Variants in RPS6KC1 observed in about 807,000 individuals in gnomAD.
The protein encoded by RPS6KC1 is ribosomal protein S6 kinase C1, also known as inactive ribosomal protein S6 kinase delta-1.
RPS6KC1 carries 54 observed loss-of-function variants against 103.8 expected under a neutral mutation model. The ratio of observed to expected loss-of-function variants is 0.52; its 90% CI spans 0.42 to 0.65. RPS6KC1 has a LOEUF of 0.65. Ranked by LOEUF, RPS6KC1 falls within the 30% of genes least tolerant of loss-of-function variation. The probability of loss-of-function intolerance (pLI) is 0.00; values close to 1 mark genes in which losing one functional copy is unlikely to be tolerated. For synonymous variants in RPS6KC1, 439 were observed against 438.7 expected, an observed-to-expected ratio of 1.00 and a Z score of -0.01; for missense variants, 1,151 against 1,253.8, an observed-to-expected ratio of 0.92 and a Z score of 1.24.
intron 12 of RPS6KC1, among the ~76,000 whole-genome samples, chr1:213,246,716 A>G (rs2094459991): frequency 6.6e-6 from 1 of 152,074 alleles, no homozygotes; most frequent in African/African-American, 2.4e-5. Flanking sequence ...TTATCATTCA[A>G]AAACAGCTAG....
At chr1:213,861,441 G>A in the RPS6KC1 span, among the ~76,000 whole-genome samples, 6 of 152,268 alleles carry the variant, frequency 3.9e-5, no homozygotes, top group East Asian at 3.9e-4. Flanking sequence ...CAGCGTGGAC[G>A]TGGATGGAGA....
chr1:213,408,921 A>G, the RPS6KC1 span, among the ~76,000 whole-genome samples: 1,623 of 152,290 alleles, frequency 0.011, 28 homozygotes, highest in African/African-American at 0.037. Context: ...GTAGAGAACT[A>G]TCGCATCTCT....
the RPS6KC1 span, among the ~76,000 whole-genome samples, chr1:213,581,322 G>A: frequency 9.2e-5 from 14 of 152,138 alleles, no homozygotes; most frequent in South Asian, 2.5e-3. Context: ...ACATTTTAAT[G>A]TTGTATTCTT....
chr1:213,798,369 C>T, the RPS6KC1 span, among the ~76,000 whole-genome samples: 1 of 152,172 alleles, frequency 6.6e-6, no homozygotes. Flanking sequence ...CCAAGCAGGC[C>T]AAGTGGCTTC....
intron 8 of RPS6KC1, among the ~76,000 whole-genome samples, chr1:213,178,078 G>A (rs1387372781): frequency 6.6e-6 from 1 of 151,382 alleles, no homozygotes; most frequent in Non-Finnish European, 1.5e-5. Context: ...CCAGCTGCTC[G>A]GGAGGCTGAG....
At chr1:213,130,990 C>T (rs1357733508) in intron 6 of RPS6KC1, among the ~76,000 whole-genome samples, 2 of 151,016 alleles carry the variant, frequency 1.3e-5, no homozygotes, top group Non-Finnish European at 3.0e-5. Context: ...TTCTCAGTTT[C>T]TTTATTCTTG....
the RPS6KC1 span, among the ~76,000 whole-genome samples, chr1:213,334,311 C>T: frequency 6.6e-6 from 1 of 152,234 alleles, no homozygotes; most frequent in Non-Finnish European, 1.5e-5. Context: ...TTGGGAACAC[C>T]TTTATTACAT....
intron 8 of RPS6KC1, chr1:213,205,453 A>G (rs2093311307): frequency 1.2e-6 from 1 of 857,388 alleles, no homozygotes; most frequent in Non-Finnish European, 1.4e-6. Context: ...TCTTAATCAA[A>G]GCTTTAAGAA....
chr1:213,076,662 A>G (rs2079367997), intron 2 of RPS6KC1, among the ~76,000 whole-genome samples: 1 of 152,006 alleles, frequency 6.6e-6, no homozygotes. Context: ...ATAATAATTC[A>G]GACTAATGAA....
rs12033908 is a variant in RPS6KC1, at chr1:213,066,240, C to A, written c.106-4766C>A. 4.6e-5 allele frequency among the ~76,000 whole-genome samples: 7 copies of A among 152,232 alleles called. No homozygotes were observed. The East Asian group carries it at 1.4e-3, about 29-fold the overall frequency. ...GGAGTGTTCACAGAATACCAGGGGG[C>A]AGAAGGATGAAGAATAACCTACAAA... is the stretch of plus-strand genomic sequence containing the variant. On this transcript the variant is annotated intron_variant, in intron 1 of 14. Coordinates refer to ENST00000366960, the MANE Select transcript of RPS6KC1 (RefSeq NM_012424.6).
At chr1:213,488,981 TTC>T in the RPS6KC1 span, among the ~76,000 whole-genome samples, 3 of 152,236 alleles carry the variant, frequency 2.0e-5, no homozygotes, top group African/African-American at 2.4e-5. Context: ...TGGGTTTATG[TTC>T]TCTTTTCCCC....
chr1:213,249,347 C>T (rs1234852709), intron 12 of RPS6KC1, among the ~76,000 whole-genome samples: 2 of 152,150 alleles, frequency 1.3e-5, no homozygotes, highest in Non-Finnish European at 1.5e-5. Flanking sequence ...TTTTAATCTC[C>T]ATTAGGTTAC....
the RPS6KC1 span, among the ~76,000 whole-genome samples, chr1:213,829,439 G>A: frequency 1.3e-5 from 2 of 152,134 alleles, no homozygotes; most frequent in African/African-American, 4.8e-5. Context: ...AGAAATCAGT[G>A]ATGAGAAATA....
chr1:213,458,762 T>G, the RPS6KC1 span, among the ~76,000 whole-genome samples: 2,337 of 152,274 alleles, frequency 0.015, 60 homozygotes, highest in African/African-American at 0.052. Flanking sequence ...TAAATAGCTC[T>G]TATTATTTTG....
At chr1:213,830,690 A>T in the RPS6KC1 span, among the ~76,000 whole-genome samples, 1 of 151,962 alleles carries the variant, frequency 6.6e-6, no homozygotes, top group Non-Finnish European at 1.5e-5. Context: ...AAAAAAAAAA[A>T]ACTCTCAAAA....
chr1:213,738,488 A>G, the RPS6KC1 span, among the ~76,000 whole-genome samples: 1 of 152,130 alleles, frequency 6.6e-6, no homozygotes, highest in African/African-American at 2.4e-5. Context: ...AAAGGAGGTA[A>G]TGAGCCGCTT....
chr1:213,505,890 T>A, the RPS6KC1 span, among the ~76,000 whole-genome samples: 1 of 152,220 alleles, frequency 6.6e-6, no homozygotes, highest in African/African-American at 2.4e-5. Flanking sequence ...GTCTCTGGCT[T>A]CACTATCAAG....
chr1:213,676,389 C>A, the RPS6KC1 span, among the ~76,000 whole-genome samples: 1 of 152,110 alleles, frequency 6.6e-6, no homozygotes, highest in Non-Finnish European at 1.5e-5. Flanking sequence ...ATAGGAGATG[C>A]TCAACAAATG....
At chr1:213,640,342 C>T in the RPS6KC1 span, among the ~76,000 whole-genome samples, 1 of 151,192 alleles carries the variant, frequency 6.6e-6, no homozygotes, top group African/African-American at 2.4e-5. Flanking sequence ...TGATTTTTTT[C>T]TAACAGTATG....
Sources: allele counts gnomAD v4.1 joint callset (sites outside exome capture counted in the v4.1 genomes callset), GRCh38; gene constraint gnomAD v4.1.1; transcripts MANE v1.5; gene names NCBI Gene and HGNC (gene_info 2026-07-23, HGNC 2026-07-21).